CDH4: variants seen among roughly 807,000 people sequenced by gnomAD.
The protein encoded by CDH4 is cadherin-4.
CDH4 carries 33 observed loss-of-function variants against 86.0 expected under a neutral mutation model. That is an observed-to-expected ratio of 0.38 (90% CI 0.29 to 0.51). The LOEUF (loss-of-function observed/expected upper bound fraction) is 0.51, where lower values mean the gene tolerates loss of function less well. CDH4 is among the 20% of genes least tolerant of loss of function. CDH4 has a pLI of 0.86. For synonymous variants in CDH4, 555 were observed against 549.4 expected, an observed-to-expected ratio of 1.01 and a Z score of -0.14; for missense variants, 1,114 against 1,307.4, an observed-to-expected ratio of 0.85 and a Z score of 2.28.
At chr20:61,910,847 A>G (rs1010955334) in intron 9 of CDH4, among the ~76,000 whole-genome samples, 4 of 152,058 alleles carry the variant, frequency 2.6e-5, no homozygotes, top group African/African-American at 7.2e-5. Flanking sequence ...TTCAATGTCT[A>G]TATATTCACT....
chr20:61,680,198 C>G (rs751305370), intron 2 of CDH4, among the ~76,000 whole-genome samples: 9 of 152,246 alleles, frequency 5.9e-5, no homozygotes, highest in Non-Finnish European at 1.3e-4. Context: ...AGTCACCACC[C>G]CCTGCCCCTG....
chr20:61,452,170 A>G (rs777942414), intron 2 of CDH4, among the ~76,000 whole-genome samples: 22 of 152,178 alleles, frequency 1.4e-4, no homozygotes, highest in Admixed American at 4.6e-4. Context: ...ATAAAGCAAT[A>G]GCCTTTCACC....
rs376755790 is a variant in CDH4, at chr20:61,904,447, C to T, written c.1189-5975C>T. ...CTGGCCCCCTTCTTTCTTGATGAAA[C>T]ACCTGCCTGGGCTGGAGTCCTCACG... On this transcript the variant is annotated intron_variant, in intron 8 of 15. Coordinates refer to ENST00000614565, the MANE Select transcript of CDH4 (RefSeq NM_001794.5). 2.6e-4 allele frequency among the ~76,000 whole-genome samples: 39 copies of T among 152,298 alleles called. No homozygotes were observed. The East Asian group carries it at 7.0e-3, about 27-fold the overall frequency.
intron 2 of CDH4, among the ~76,000 whole-genome samples, chr20:61,672,892 TG>T (rs1203276934): frequency 1.3e-5 from 2 of 150,568 alleles, no homozygotes; most frequent in Non-Finnish European, 3.0e-5. Context: ...GGGGAAGAGG[TG>T]GGGAGAGGAG....
At chr20:61,727,619 G>A (rs1450236314) in intron 2 of CDH4, among the ~76,000 whole-genome samples, 1 of 152,204 alleles carries the variant, frequency 6.6e-6, no homozygotes, top group Non-Finnish European at 1.5e-5. Context: ...CTTCTGGCGA[G>A]GGCCTCAGGA....
At chr20:61,368,114 C>T (rs1324424419) in intron 2 of CDH4, among the ~76,000 whole-genome samples, 1 of 152,160 alleles carries the variant, frequency 6.6e-6, no homozygotes, top group Non-Finnish European at 1.5e-5. Flanking sequence ...CATGATCCGC[C>T]CGCCTCGGCC....
rs1385365566 is a variant in CDH4 at position 61,920,207 on chromosome 20, G to A, written c.1375-3244G>A. On this transcript the variant is annotated intron_variant, in intron 9 of 15. Transcript: ENST00000614565. ...GTGGAAGCGTGGTGTCATGGTGACTGCGTGGAAGCATGGTGTCACGGTGAT... is the reference window on the plus strand; with the variant it reads ...GTGGAAGCGTGGTGTCATGGTGACTACGTGGAAGCATGGTGTCACGGTGAT... 4.0e-5 allele frequency among the ~76,000 whole-genome samples: 6 copies of A among 148,512 alleles called. No homozygotes were observed. The South Asian group carries it at 1.3e-3, about 32-fold the overall frequency.
chr20:61,416,065 G>T (rs192280328), intron 2 of CDH4, among the ~76,000 whole-genome samples: 4 of 139,982 alleles, frequency 2.9e-5, no homozygotes, highest in East Asian at 2.1e-4. Flanking sequence ...AAGCTGGCAC[G>T]ATCTCAGCTC....
At chr20:61,848,295 G>T (rs6061863) in intron 5 of CDH4, among the ~76,000 whole-genome samples, 1 of 152,328 alleles carries the variant, frequency 6.6e-6, no homozygotes, top group East Asian at 1.9e-4. Context: ...TGAAAGGTCA[G>T]GCCCACCTGC....
At chr20:61,609,135 A>G (rs1010698352) in intron 2 of CDH4, among the ~76,000 whole-genome samples, 4 of 152,220 alleles carry the variant, frequency 2.6e-5, no homozygotes, top group African/African-American at 9.6e-5. Flanking sequence ...GTGGCATAAC[A>G]TTAGTGCAAT....
intron 2 of CDH4, among the ~76,000 whole-genome samples, chr20:61,341,813 G>T (rs543255760): frequency 2.6e-5 from 4 of 152,286 alleles, no homozygotes; most frequent in African/African-American, 9.6e-5. Flanking sequence ...GGAGAAGCTT[G>T]GAGAGTGACA....
chr20:61,468,616 C>T (rs1336020184), intron 2 of CDH4, among the ~76,000 whole-genome samples: 1 of 152,140 alleles, frequency 6.6e-6, no homozygotes, highest in East Asian at 1.9e-4. Context: ...AGTCACCCTG[C>T]TGTGCTATGA....
At chr20:61,903,932 T>C (rs1161778660) in intron 8 of CDH4, among the ~76,000 whole-genome samples, 1 of 152,258 alleles carries the variant, frequency 6.6e-6, no homozygotes. Context: ...CCTGTCTCCT[T>C]GCGAGGGCCC....
At chr20:61,892,244 T>C (rs142388322) in intron 7 of CDH4, among the ~76,000 whole-genome samples, 260 of 152,320 alleles carry the variant, frequency 1.7e-3, no homozygotes, top group African/African-American at 5.9e-3. Context: ...CCAGACACCT[T>C]ATGGAGCACC....
In CDH4 at chr20:61,776,069, G is replaced by A. The variant is rs541048058; in HGVS notation, c.576+2887G>A. 3.9e-5 allele frequency among the ~76,000 whole-genome samples: 6 copies of A among 152,272 alleles called. No homozygotes were observed. In the South Asian group the frequency reaches 1.2e-3, roughly 32 times the overall value. Reference sequence around the variant, plus strand: ...TGGGCTGGGACAGGCCCCATGAAAGGACCAAATCCTCCCAGACCAGCAGAG... The same window carrying A: ...TGGGCTGGGACAGGCCCCATGAAAGAACCAAATCCTCCCAGACCAGCAGAG... On this transcript the variant is annotated intron_variant, in intron 4 of 15. Coordinates refer to ENST00000614565, the MANE Select transcript of CDH4 (RefSeq NM_001794.5).
intron 6 of CDH4, among the ~76,000 whole-genome samples, chr20:61,869,654 A>C (rs1367551043): frequency 6.6e-6 from 1 of 152,138 alleles, no homozygotes; most frequent in African/African-American, 2.4e-5. Flanking sequence ...CTCAATGCCA[A>C]ACCCTCTCAC....
intron 3 of CDH4, among the ~76,000 whole-genome samples, chr20:61,752,253 G>T (rs989018559): frequency 6.7e-6 from 1 of 148,924 alleles, no homozygotes; most frequent in Non-Finnish European, 1.5e-5. Flanking sequence ...AATCACTTGA[G>T]CCCGAGAGGT....
chr20:61,818,881 A>G (rs954025249), intron 4 of CDH4, among the ~76,000 whole-genome samples: 2 of 151,996 alleles, frequency 1.3e-5, no homozygotes, highest in East Asian at 2.0e-4. Flanking sequence ...AAGGTGACGC[A>G]TGTCGTCCTA....
chr20:61,570,598 T>C, intron 2 of CDH4: 1 of 697,726 alleles, frequency 1.4e-6, no homozygotes, highest in Non-Finnish European at 2.6e-6. Flanking sequence ...CTCTGCCCTT[T>C]AAAGGGTCCT....
Sources: allele counts gnomAD v4.1 joint callset (sites outside exome capture counted in the v4.1 genomes callset), GRCh38; gene constraint gnomAD v4.1.1; transcripts MANE v1.5; gene names NCBI Gene and HGNC (gene_info 2026-07-23, HGNC 2026-07-21).